The following GALNT13 variants were observed in gnomAD, a reference collection of about 807,000 sequenced individuals.
GALNT13 encodes the protein polypeptide N-acetylgalactosaminyltransferase 13.
In GALNT13, 28 loss-of-function variants were observed where a neutral mutation model predicts 64.2. The observed-to-expected ratio is 0.44, with a 90% CI of 0.32 to 0.60. The LOEUF is 0.60. Among genes scored for constraint, GALNT13 ranks in the 20% least tolerant of loss-of-function variants. The pLI is 0.05. For synonymous variants in GALNT13, 214 were observed against 224.6 expected, an observed-to-expected ratio of 0.95 and a Z score of 0.42; for missense variants, 577 against 669.8, an observed-to-expected ratio of 0.86 and a Z score of 1.53.
chr2:154,086,390 A>G (rs970995619), intron 3 of GALNT13, among the ~76,000 whole-genome samples: 5 of 148,088 alleles, frequency 3.4e-5, no homozygotes, highest in African/African-American at 1.2e-4. Context: ...TTCTATTTAT[A>G]TTATATTTAC....
At chr2:154,032,864 C>CTTTTTTTTT (rs70981694) in intron 3 of GALNT13, among the ~76,000 whole-genome samples, 1 of 110,108 alleles carries the variant, frequency 9.1e-6, no homozygotes, top group Non-Finnish European at 1.8e-5. Flanking sequence ...CCTACATTTC[C>CTTTTTTTTT]TTTTTTTTTT....
At chr2:154,416,353 G>A (rs963882085) in intron 11 of GALNT13, among the ~76,000 whole-genome samples, 9 of 151,476 alleles carry the variant, frequency 5.9e-5, no homozygotes, top group Admixed American at 4.7e-4. Flanking sequence ...AAAGAGAAGA[G>A]CTAGATCTCT....
the GALNT13 span, among the ~76,000 whole-genome samples, chr2:153,164,819 C>T: frequency 7.2e-5 from 11 of 152,166 alleles, no homozygotes; most frequent in Non-Finnish European, 1.5e-4. Context: ...ACTCATTGTG[C>T]ACCAACTCCC....
chr2:153,676,581 T>C, the GALNT13 span, among the ~76,000 whole-genome samples: 5 of 152,080 alleles, frequency 3.3e-5, no homozygotes, highest in Non-Finnish European at 7.4e-5. Context: ...CAGGCCAATA[T>C]TGCTGATAAA....
At chr2:153,325,320 A>G in the GALNT13 span, among the ~76,000 whole-genome samples, 1 of 151,696 alleles carries the variant, frequency 6.6e-6, no homozygotes, top group Non-Finnish European at 1.5e-5. Flanking sequence ...GGTAGTTTGT[A>G]TTTCTGTGAG....
At chr2:153,476,000 T>A in the GALNT13 span, among the ~76,000 whole-genome samples, 2 of 152,206 alleles carry the variant, frequency 1.3e-5, no homozygotes, top group African/African-American at 2.4e-5. Flanking sequence ...AGACTCCTAC[T>A]GACTACCTAT....
chr2:154,149,551 A>AC (rs1296051344), intron 4 of GALNT13, among the ~76,000 whole-genome samples: 3 of 152,092 alleles, frequency 2.0e-5, no homozygotes, highest in Non-Finnish European at 4.4e-5. Flanking sequence ...GATTCTTCCT[A>AC]CCCATGAGCA....
the GALNT13 span, among the ~76,000 whole-genome samples, chr2:153,610,092 G>A: frequency 6.6e-6 from 1 of 152,176 alleles, no homozygotes; most frequent in South Asian, 2.1e-4. Context: ...CAGAGAATGT[G>A]CTCATATCCC....
intron 4 of GALNT13, among the ~76,000 whole-genome samples, chr2:154,197,197 C>T (rs1377074479): frequency 1.3e-5 from 2 of 151,698 alleles, no homozygotes; most frequent in African/African-American, 2.4e-5. Context: ...GCCTGGGCAA[C>T]AAGAGTGAAA....
chr2:153,337,046 C>A, the GALNT13 span, among the ~76,000 whole-genome samples: 1 of 152,154 alleles, frequency 6.6e-6, no homozygotes, highest in African/African-American at 2.4e-5. Context: ...GAGGCCTCCC[C>A]AGCCATGTGG....
At chr2:154,242,651 A>T in intron 5 of GALNT13, 47 bp from the exon 6 acceptor site, 1 of 1,310,024 alleles carries the variant, frequency 7.6e-7, no homozygotes, top group Non-Finnish European at 1.1e-6. Context: ...GCTATTTCTT[A>T]AAACAGTTTC....
the GALNT13 span, among the ~76,000 whole-genome samples, chr2:153,697,936 A>G: frequency 6.6e-6 from 1 of 152,340 alleles, no homozygotes; most frequent in South Asian, 2.1e-4. Flanking sequence ...GTGGAGGCCA[A>G]TATTCAACAT....
At chr2:154,015,103 A>G (rs986551776) in intron 3 of GALNT13, among the ~76,000 whole-genome samples, 5 of 152,242 alleles carry the variant, frequency 3.3e-5, no homozygotes, top group Admixed American at 2.6e-4. Context: ...GGAAGAAACA[A>G]TGCCTCATAT....
At chr2:154,366,176 T>G (rs1332707381) in intron 9 of GALNT13, among the ~76,000 whole-genome samples, 1 of 152,176 alleles carries the variant, frequency 6.6e-6, no homozygotes, top group South Asian at 2.1e-4. Flanking sequence ...TATTCTCTTT[T>G]CTTCTTCCTT....
chr2:153,679,006 C>T, the GALNT13 span, among the ~76,000 whole-genome samples: 3 of 151,964 alleles, frequency 2.0e-5, no homozygotes, highest in African/African-American at 7.2e-5. Flanking sequence ...TTCTCTGGGC[C>T]AGGAGCATGA....
intron 3 of GALNT13, among the ~76,000 whole-genome samples, chr2:153,953,155 G>A (rs1692318174): frequency 6.6e-6 from 1 of 151,976 alleles, no homozygotes; most frequent in Admixed American, 6.6e-5. Flanking sequence ...AATATTAACT[G>A]TCACATGATA....
At chr2:153,098,011 A>G in the GALNT13 span, among the ~76,000 whole-genome samples, 25 of 152,338 alleles carry the variant, frequency 1.6e-4, no homozygotes, top group African/African-American at 5.8e-4. Flanking sequence ...GATTGCAGTG[A>G]GCCAAGATCA....
chr2:154,323,696 C>T (rs935066869), intron 9 of GALNT13, among the ~76,000 whole-genome samples: 2 of 152,110 alleles, frequency 1.3e-5, no homozygotes, highest in African/African-American at 4.8e-5. Flanking sequence ...TAACTATTCA[C>T]CCTTCCAGTG....
intron 1 of GALNT13, among the ~76,000 whole-genome samples, chr2:153,884,737 G>A (rs1328194246): frequency 6.9e-6 from 1 of 144,192 alleles, no homozygotes; most frequent in Non-Finnish European, 1.5e-5. Flanking sequence ...TGGCCAACAT[G>A]GTGAAACCCA....
Sources: gnomAD v4.1 joint callset for allele counts (sites outside exome capture counted in the v4.1 genomes callset) on GRCh38, gnomAD v4.1.1 for gene constraint, MANE v1.5 for transcripts, NCBI Gene and HGNC (gene_info 2026-07-23, HGNC 2026-07-21) for gene names.